SPATA6: variants seen among roughly 807,000 people sequenced by gnomAD.
SPATA6 encodes spermatogenesis associated 6.
In SPATA6, 56 loss-of-function variants were observed where a neutral mutation model predicts 65.3. That is an observed-to-expected ratio of 0.86 (90% CI 0.69 to 1.07). SPATA6 has a LOEUF of 1.07. Ranked by LOEUF, SPATA6 falls within the 50% of genes least tolerant of loss-of-function variation. SPATA6 has a pLI of 0.00. For synonymous variants in SPATA6, 199 were observed against 213.2 expected, an observed-to-expected ratio of 0.93 and a Z score of 0.58; for missense variants, 590 against 594.8, an observed-to-expected ratio of 0.99 and a Z score of 0.08.
the SPATA6 span, among the ~76,000 whole-genome samples, chr1:48,279,573 A>G: frequency 6.6e-6 from 1 of 152,226 alleles, no homozygotes; most frequent in Non-Finnish European, 1.5e-5. Context: ...CAAAGATAAA[A>G]AGAGACAAAG....
chr1:48,464,682 T>C (rs911522824), intron 1 of SPATA6, among the ~76,000 whole-genome samples: 2 of 152,150 alleles, frequency 1.3e-5, no homozygotes, highest in Admixed American at 1.3e-4. Context: ...AGACAGATCA[T>C]AGATAGATAT....
At chr1:48,349,445 T>C (rs1317009716) in intron 11 of SPATA6, among the ~76,000 whole-genome samples, 1 of 152,016 alleles carries the variant, frequency 6.6e-6, no homozygotes, top group Non-Finnish European at 1.5e-5. Flanking sequence ...CATTTTAATA[T>C]TGTCATATTC....
At chr1:48,366,406 G>C (rs968154538) in intron 9 of SPATA6, among the ~76,000 whole-genome samples, 5 of 152,224 alleles carry the variant, frequency 3.3e-5, no homozygotes, top group South Asian at 2.1e-4. Flanking sequence ...GGTAGAATTC[G>C]GCTGTGAATC....
chr1:48,378,881 T>C (rs542481040), intron 9 of SPATA6, among the ~76,000 whole-genome samples: 5 of 152,288 alleles, frequency 3.3e-5, no homozygotes, highest in South Asian at 4.1e-4. Flanking sequence ...ATGTAGTATA[T>C]GCACACACAT....
chr1:48,367,497 A>C (rs1647062905), intron 9 of SPATA6, among the ~76,000 whole-genome samples: 2 of 152,184 alleles, frequency 1.3e-5, no homozygotes, highest in Non-Finnish European at 2.9e-5. Context: ...TGGTGCATAT[A>C]TATTTAGGAT....
At chr1:48,290,459 A>C (rs1264457612), downstream of SPATA6, among the ~76,000 whole-genome samples, 1 of 152,222 alleles carries the variant, frequency 6.6e-6, no homozygotes, top group Non-Finnish European at 1.5e-5. Flanking sequence ...CAAAATAACC[A>C]GATAACATCA....
the SPATA6 span, chr1:48,262,483 C>A: frequency 1.3e-5 from 2 of 152,072 alleles, no homozygotes; most frequent in Non-Finnish European, 2.9e-5. Flanking sequence ...ACCTTTGGTG[C>A]AAATACATGT....
At chr1:48,364,773 C>G (rs1284991472) in intron 9 of SPATA6, among the ~76,000 whole-genome samples, 1 of 152,162 alleles carries the variant, frequency 6.6e-6, no homozygotes, top group Non-Finnish European at 1.5e-5. Context: ...ATGGTAGTTT[C>G]TTTTGCTGTG....
At chr1:48,372,950 G>T (rs1352893934) in intron 9 of SPATA6, among the ~76,000 whole-genome samples, 1 of 152,182 alleles carries the variant, frequency 6.6e-6, no homozygotes, top group East Asian at 1.9e-4. Flanking sequence ...CCCAGTCCAT[G>T]AAATCACTTT....
At chr1:48,305,974 A>C in intron 11 of SPATA6, 96 bp from the exon 12 acceptor site, 1 of 842,376 alleles carries the variant, frequency 1.2e-6, no homozygotes, top group Non-Finnish European at 1.8e-6. Context: ...CTCCCTTTAT[A>C]AATTTTAATT....
At chr1:48,365,360 G>A (rs1016034080) in intron 9 of SPATA6, among the ~76,000 whole-genome samples, 8 of 152,000 alleles carry the variant, frequency 5.3e-5, no homozygotes, top group African/African-American at 1.2e-4. Context: ...CTTGATGGGG[G>A]TGGCATTGAA....
chr1:48,366,276 C>T (rs946907243), intron 9 of SPATA6, among the ~76,000 whole-genome samples: 15 of 152,124 alleles, frequency 9.9e-5, no homozygotes, highest in South Asian at 2.1e-4. Flanking sequence ...GTGTCTCTGC[C>T]CGGCTTTGGT....
At chr1:48,410,738 T>C (rs1043154562) in intron 5 of SPATA6, among the ~76,000 whole-genome samples, 2 of 152,142 alleles carry the variant, frequency 1.3e-5, no homozygotes, top group Non-Finnish European at 1.5e-5. Flanking sequence ...CAAACACTTA[T>C]AAAACCATCA....
rs1163919797 is a variant in SPATA6, at chr1:48,472,017, G to C, written c.-9C>G. 3.2e-6 allele frequency: 5 copies of C among 1,554,340 alleles called. No individual in the cohort carries two copies. Among genetic ancestry groups the C allele is most frequent in the South Asian group, 2.4e-5 (2 of 84,516 alleles). On this transcript the variant is annotated 5_prime_UTR_variant, in exon 1 of 13. Transcript: ENST00000371847. ...GCCTTCACCTTCGGCATCCGTGCGG[G>C]GAGGGGCGGCGGGGAGTGACCCCGG...
At chr1:48,393,975 A>C (rs750263682) in intron 8 of SPATA6, among the ~76,000 whole-genome samples, 54 of 152,108 alleles carry the variant, frequency 3.6e-4, no homozygotes, top group Non-Finnish European at 7.5e-4. Flanking sequence ...TCAACATATT[A>C]AGTTTTAGGG....
In SPATA6 at chr1:48,298,061, G is replaced by T. The variant is rs987749159; in HGVS notation, c.*652C>A. On this transcript the variant is annotated 3_prime_UTR_variant, in exon 13 of 13. Coordinates refer to ENST00000371847, the MANE Select transcript of SPATA6 (RefSeq NM_019073.4). ...TTAAAAATTAGTTATTCAAATTTTT[G>T]ATCATCCATGGCACTGATATTTCTA... 1.3e-5 allele frequency: 2 copies of T among 151,994 alleles called. No individual in the cohort carries two copies. Among genetic ancestry groups the T allele is most frequent in the South Asian group, 2.1e-4 (1 of 4,814 alleles). 9.4% of individuals were successfully genotyped at this position (151,994 alleles called of 1,614,324 possible). A position where few individuals can be genotyped will look rare whatever the true frequency, so the allele number is the denominator to read the frequency against.
the SPATA6 span, among the ~76,000 whole-genome samples, chr1:48,282,471 A>G: frequency 6.6e-6 from 1 of 152,184 alleles, no homozygotes; most frequent in Non-Finnish European, 1.5e-5. Flanking sequence ...TCTACAATGA[A>G]CTCAAACAAA....
At chr1:48,362,980 A>C (rs1034697190) in intron 9 of SPATA6, among the ~76,000 whole-genome samples, 2 of 152,094 alleles carry the variant, frequency 1.3e-5, no homozygotes, top group African/African-American at 4.8e-5. Flanking sequence ...AACAACAATC[A>C]CGGGTGTTAA....
At chr1:48,376,069 T>C (rs1235755868) in intron 9 of SPATA6, among the ~76,000 whole-genome samples, 2 of 152,168 alleles carry the variant, frequency 1.3e-5, no homozygotes, top group Non-Finnish European at 1.5e-5. Context: ...TGCCTTCACA[T>C]TCTAATTTGA....
Sources: allele counts gnomAD v4.1 joint callset (sites outside exome capture counted in the v4.1 genomes callset), GRCh38; gene constraint gnomAD v4.1.1; transcripts MANE v1.5; gene names NCBI Gene and HGNC (gene_info 2026-07-23, HGNC 2026-07-21).